ANKRD30B: variants seen among roughly 807,000 people sequenced by gnomAD.
The protein encoded by ANKRD30B is ankyrin repeat domain 30B.
In ANKRD30B, 144 loss-of-function variants were observed where a neutral mutation model predicts 202.2. The observed-to-expected ratio is 0.71, with a 90% CI of 0.62 to 0.82. ANKRD30B has a LOEUF of 0.82. ANKRD30B is among the 40% of genes least tolerant of loss of function. The pLI, the probability that ANKRD30B is intolerant of heterozygous loss-of-function variation, is 0.00. For synonymous variants in ANKRD30B, 508 were observed against 561.3 expected (o/e 0.91, Z 1.34); for missense variants, 1,487 against 1,669.1 (o/e 0.89, Z 1.90).
At chr18:14,768,589 T>C (rs1916614811) in intron 7 of ANKRD30B, among the ~76,000 whole-genome samples, 1 of 152,200 alleles carries the variant, frequency 6.6e-6, no homozygotes, top group Non-Finnish European at 1.5e-5. Flanking sequence ...TGGTTTCTGC[T>C]ACAGAATTGT....
intron 15 of ANKRD30B, among the ~76,000 whole-genome samples, chr18:14,787,417 C>A (rs1309311251): frequency 1.3e-5 from 2 of 152,136 alleles, no homozygotes; most frequent in Non-Finnish European, 2.9e-5. Context: ...CTGAGTCCAG[C>A]TATGGGCAAA....
chr18:14,799,943 A>G (rs528651516), intron 22 of ANKRD30B, among the ~76,000 whole-genome samples: 8 of 152,102 alleles, frequency 5.3e-5, no homozygotes, highest in Non-Finnish European at 1.2e-4. Flanking sequence ...AAATCATGTT[A>G]CAACAGGCTG....
At chr18:14,899,476 T>C in the ANKRD30B span, among the ~76,000 whole-genome samples, 1 of 152,182 alleles carries the variant, frequency 6.6e-6, no homozygotes, top group Non-Finnish European at 1.5e-5. Context: ...TTTTACAATT[T>C]ATTTGGTTTC....
Position 14,808,739 on chromosome 18 carries a change from A to T in ANKRD30B, c.2381A>T (p.Lys794Ile). Residue 794 changes from lysine (K) to isoleucine (I), a missense_variant, in exon 26 of 44, where the codon AAA becomes ATA. Lys to Ile is a moderately radical substitution (Grantham distance 102). Transcript: ENST00000690538. The stretch of plus-strand genomic sequence containing the variant: ...GAATTAAAGGACAGAGAAACACTCA[A>T]AGCAGGTAAATTTTGTAATTTAAAT... ...ALELKDRETL[K>I]AESPDKDGLL... 6.8e-7 allele frequency: 1 copy of T among 1,468,066 alleles called. No individual in the cohort carries two copies. Among genetic ancestry groups the T allele is most frequent in the Non-Finnish European group, 9.2e-7 (1 of 1,087,886 alleles). The allele number at this position is 1,468,066 out of a possible 1,614,324, so 90.9% of individuals were successfully genotyped here.
chr18:14,896,723 T>C, the ANKRD30B span, among the ~76,000 whole-genome samples: 24 of 141,254 alleles, frequency 1.7e-4, no homozygotes, highest in African/African-American at 6.5e-4. Context: ...AAACACACTT[T>C]GGAGATTGTA....
the ANKRD30B span, among the ~76,000 whole-genome samples, chr18:14,897,666 A>G: frequency 6.6e-6 from 1 of 152,182 alleles, no homozygotes; most frequent in Non-Finnish European, 1.5e-5. Context: ...TGTCACTATC[A>G]ATATTAAAGT....
chr18:14,877,300 C>T, the ANKRD30B span, among the ~76,000 whole-genome samples: 3 of 77,296 alleles, frequency 3.9e-5, no homozygotes, highest in African/African-American at 1.4e-4. Context: ...AACGGGTACT[C>T]AATAAATGAT....
At chr18:14,932,519 T>C in the ANKRD30B span, among the ~76,000 whole-genome samples, 1 of 152,060 alleles carries the variant, frequency 6.6e-6, no homozygotes, top group African/African-American at 2.4e-5. Context: ...TTTGTATTTT[T>C]AGTAGAGACG....
the ANKRD30B span, among the ~76,000 whole-genome samples, chr18:14,885,917 T>C: frequency 1.3e-5 from 2 of 152,050 alleles, no homozygotes; most frequent in Admixed American, 1.3e-4. Flanking sequence ...GAAACTCATG[T>C]ATTTAATTTT....
the ANKRD30B span, chr18:14,890,181 T>A: frequency 1.6e-6 from 1 of 626,422 alleles, no homozygotes; most frequent in Non-Finnish European, 2.8e-6. Context: ...TCTGTTTTAA[T>A]CGGAAGTTTT....
chr18:14,912,864 C>G, the ANKRD30B span, among the ~76,000 whole-genome samples: 1 of 152,318 alleles, frequency 6.6e-6, no homozygotes, highest in African/African-American at 2.4e-5. Flanking sequence ...ACTTAAAAAT[C>G]TACAATCCAA....
intron 42 of ANKRD30B, among the ~76,000 whole-genome samples, chr18:14,853,292 A>G (rs1016056464): frequency 6.6e-6 from 1 of 152,182 alleles, no homozygotes; most frequent in South Asian, 2.1e-4. Flanking sequence ...AGGTTCATGT[A>G]TAGTACAAAA....
chr18:14,928,172 T>C, the ANKRD30B span, among the ~76,000 whole-genome samples: 1 of 152,096 alleles, frequency 6.6e-6, no homozygotes, highest in Non-Finnish European at 1.5e-5. Flanking sequence ...TTCAGCATGC[T>C]GGCCAGGCTG....
intron 7 of ANKRD30B, among the ~76,000 whole-genome samples, chr18:14,766,310 A>C (rs188634722): frequency 6.6e-6 from 1 of 151,690 alleles, no homozygotes; most frequent in Non-Finnish European, 1.5e-5. Flanking sequence ...CGTCTCTACT[A>C]AAAATACAAA....
At chr18:14,845,986 A>G (rs1021755004) in intron 39 of ANKRD30B, among the ~76,000 whole-genome samples, 2 of 152,154 alleles carry the variant, frequency 1.3e-5, no homozygotes, top group African/African-American at 4.8e-5. Context: ...TGATTTTGGC[A>G]TATGAAAATT....
chr18:14,788,713 A>C (rs1371781805), intron 15 of ANKRD30B, among the ~76,000 whole-genome samples: 2 of 152,070 alleles, frequency 1.3e-5, no homozygotes, highest in Non-Finnish European at 2.9e-5. Flanking sequence ...GTCCCTACAA[A>C]GGACATGAAC....
At chr18:14,799,384 T>C (rs1969163523) in intron 22 of ANKRD30B, 89 bp downstream of exon 22, 1 of 1,248,154 alleles carries the variant, frequency 8.0e-7, no homozygotes, top group Non-Finnish European at 1.1e-6. Flanking sequence ...AATGTTGTTT[T>C]CTTTTCAAAA....
At chr18:14,838,180 G>T (rs28729072) in intron 36 of ANKRD30B, among the ~76,000 whole-genome samples, 1 of 152,194 alleles carries the variant, frequency 6.6e-6, no homozygotes, top group African/African-American at 2.4e-5. Flanking sequence ...GGCTTAGAAG[G>T]CATTAGGAAT....
intron 30 of ANKRD30B, among the ~76,000 whole-genome samples, chr18:14,818,335 T>A (rs1568043729): frequency 6.6e-6 from 1 of 152,094 alleles, no homozygotes; most frequent in Admixed American, 6.6e-5. Context: ...GACTTCTAAT[T>A]TTTGATACTT....
Sources: allele counts gnomAD v4.1 joint callset (sites outside exome capture counted in the v4.1 genomes callset), GRCh38; gene constraint gnomAD v4.1.1; transcripts MANE v1.5; gene names NCBI Gene and HGNC (gene_info 2026-07-23, HGNC 2026-07-21).